Variants in TEAD1 observed in about 807,000 individuals in gnomAD.
TEAD1 encodes TEA domain transcription factor 1.
TEAD1 carries 9 observed loss-of-function variants against 54.9 expected under a neutral mutation model. The observed-to-expected ratio is 0.16, with a 90% confidence interval of 0.10 to 0.29. TEAD1 has a LOEUF of 0.29. Among genes scored for constraint, TEAD1 ranks in the 10% least tolerant of loss-of-function variants. TEAD1 has a pLI of 1.00. For missense variants in TEAD1, 387 were observed against 535.9 expected (o/e 0.72, Z 2.74); for synonymous variants, 200 against 187.8 (o/e 1.07, Z -0.53).
chr11:12,884,076 A>G (rs1157931889), intron 9 of TEAD1, among the ~76,000 whole-genome samples: 2 of 151,860 alleles, frequency 1.3e-5, no homozygotes, highest in East Asian at 3.9e-4. Flanking sequence ...TATCATAAAT[A>G]CCAGTAACAT....
intron 3 of TEAD1, among the ~76,000 whole-genome samples, chr11:12,806,566 C>T (rs1414548541): frequency 2.0e-5 from 3 of 152,160 alleles, no homozygotes; most frequent in Non-Finnish European, 2.9e-5. Context: ...CAGAGCAAGA[C>T]CCTCTAAAGT....
intron 2 of TEAD1, among the ~76,000 whole-genome samples, chr11:12,694,404 C>CTT (rs545388326): frequency 9.0e-4 from 130 of 145,062 alleles, no homozygotes; most frequent in Non-Finnish European, 1.4e-3. Flanking sequence ...ACAGGGTCCT[C>CTT]TTTTTTTTTT....
At chr11:12,768,339 AC>A (rs1945249334) in intron 3 of TEAD1, among the ~76,000 whole-genome samples, 1 of 151,946 alleles carries the variant, frequency 6.6e-6, no homozygotes. Context: ...GAACACCACC[AC>A]CCCCTGCAAT....
chr11:12,874,071 T>C (rs1037084401), intron 5 of TEAD1, among the ~76,000 whole-genome samples: 3 of 150,378 alleles, frequency 2.0e-5, no homozygotes, highest in Non-Finnish European at 3.0e-5. Context: ...ATAAATTACA[T>C]TGGAATCCTA....
intron 3 of TEAD1, chr11:12,828,352 C>A (rs1337175986): frequency 6.6e-6 from 1 of 152,110 alleles, no homozygotes; most frequent in African/African-American, 2.4e-5. Context: ...TCATATTGTT[C>A]TTTATGTACT....
chr11:12,930,375 T>C, intron 12 of TEAD1, 49 bp downstream of exon 12: 2 of 1,611,866 alleles, frequency 1.2e-6, no homozygotes, highest in Non-Finnish European at 8.5e-7. Context: ...CCATGAGGCT[T>C]GACAGAAGTG....
At chr11:12,697,003 C>G (rs1209304352) in intron 2 of TEAD1, among the ~76,000 whole-genome samples, 1 of 152,110 alleles carries the variant, frequency 6.6e-6, no homozygotes, top group East Asian at 1.9e-4. Context: ...CTGGTGTGCC[C>G]TGTGGATTTA....
chr11:12,870,343 TATAGGGG>T (rs1947717781), intron 5 of TEAD1, among the ~76,000 whole-genome samples: 1 of 151,876 alleles, frequency 6.6e-6, no homozygotes, highest in East Asian at 1.9e-4. Flanking sequence ...GTTCAGGACA[TATAGGGG>T]ATGGTTGAAC....
chr11:12,689,305 C>T (rs1293784852), intron 2 of TEAD1, among the ~76,000 whole-genome samples: 1 of 152,202 alleles, frequency 6.6e-6, no homozygotes, highest in Admixed American at 6.5e-5. Flanking sequence ...GTTCCCAGCA[C>T]TCTTGATAGT....
intron 3 of TEAD1, among the ~76,000 whole-genome samples, chr11:12,812,560 A>G (rs1312576539): frequency 6.6e-6 from 1 of 152,222 alleles, no homozygotes; most frequent in African/African-American, 2.4e-5. Flanking sequence ...AAAAGTAAAT[A>G]TTTAAAAGTA....
At chr11:12,782,778 G>A (rs1355799923) in intron 3 of TEAD1, among the ~76,000 whole-genome samples, 1 of 152,206 alleles carries the variant, frequency 6.6e-6, no homozygotes, top group East Asian at 1.9e-4. Context: ...TGGAAAGAAA[G>A]GAAAATGCTG....
chr11:12,786,989 T>G (rs1945691216), intron 3 of TEAD1, among the ~76,000 whole-genome samples: 2 of 151,844 alleles, frequency 1.3e-5, no homozygotes, highest in Non-Finnish European at 2.9e-5. Flanking sequence ...GTGGCTTGAG[T>G]GGAGTCAGCA....
intron 5 of TEAD1, among the ~76,000 whole-genome samples, chr11:12,868,319 C>A (rs746809157): frequency 3.9e-5 from 6 of 152,182 alleles, no homozygotes; most frequent in Non-Finnish European, 8.8e-5. Flanking sequence ...TTGAAAAGCC[C>A]CCTGTTTTAG....
At chr11:12,807,372 G>A (rs1367594557) in intron 3 of TEAD1, among the ~76,000 whole-genome samples, 1 of 152,134 alleles carries the variant, frequency 6.6e-6, no homozygotes, top group Non-Finnish European at 1.5e-5. Flanking sequence ...CAGGGTAGGG[G>A]GCAGTATGTT....
chr11:12,836,270 A>T (rs541284230), intron 3 of TEAD1, among the ~76,000 whole-genome samples: 1 of 151,852 alleles, frequency 6.6e-6, no homozygotes. Flanking sequence ...AATACAAAAA[A>T]TTAGCCGGGC....
chr11:12,781,951 C>CAAAAAAAAAA (rs71454001), intron 3 of TEAD1, among the ~76,000 whole-genome samples: 6 of 65,384 alleles, frequency 9.2e-5, no homozygotes, highest in South Asian at 4.9e-4. Flanking sequence ...CTCGTCTGTA[C>CAAAAAAAAAA]AAAAAAAAAA....
chr11:12,794,565 G>A (rs1382994051), intron 3 of TEAD1, among the ~76,000 whole-genome samples: 1 of 152,194 alleles, frequency 6.6e-6, no homozygotes, highest in African/African-American at 2.4e-5. Context: ...GGTTCTGATT[G>A]TTCCTCTCCA....
intron 2 of TEAD1, among the ~76,000 whole-genome samples, chr11:12,748,255 C>G (rs1944791798): frequency 6.6e-6 from 1 of 152,346 alleles, no homozygotes; most frequent in Non-Finnish European, 1.5e-5. Context: ...AGCCGCTGCG[C>G]CTGGTCTAAT....
chr11:12,746,938 C>G (rs559335773), intron 2 of TEAD1, among the ~76,000 whole-genome samples: 6 of 152,268 alleles, frequency 3.9e-5, no homozygotes, highest in African/African-American at 1.4e-4. Context: ...TCAGACTGTG[C>G]GGCTCAGCAG....
Sources: allele counts gnomAD v4.1 joint callset (sites outside exome capture counted in the v4.1 genomes callset), GRCh38; gene constraint gnomAD v4.1.1; transcripts MANE v1.5; gene names NCBI Gene and HGNC (gene_info 2026-07-23, HGNC 2026-07-21).